The following SLC4A5 variants were observed in gnomAD, a reference collection of about 807,000 sequenced individuals.
SLC4A5 encodes the protein solute carrier family 4 member 5, also known as electrogenic sodium bicarbonate cotransporter 4.
A neutral mutation model predicts 120.4 loss-of-function variants in SLC4A5; 96 were observed. The observed-to-expected ratio is 0.80, with a 90% CI of 0.68 to 0.94. The LOEUF (loss-of-function observed/expected upper bound fraction) is 0.94, where lower values mean the gene tolerates loss of function less well. SLC4A5 is among the 40% of genes least tolerant of loss of function. The probability of loss-of-function intolerance (pLI) is 0.00; values close to 1 mark genes in which losing one functional copy is unlikely to be tolerated. For synonymous variants in SLC4A5, 550 were observed against 571.1 expected, an observed-to-expected ratio of 0.96 and a Z score of 0.53; for missense variants, 1,259 against 1,459.5, an observed-to-expected ratio of 0.86 and a Z score of 2.24.
chr2:74,304,931 C>T (rs1230383194), intron 6 of SLC4A5, among the ~76,000 whole-genome samples: 4 of 152,110 alleles, frequency 2.6e-5, no homozygotes, highest in African/African-American at 7.2e-5. Context: ...CTCCCATTCC[C>T]CCGTTCTTGC....
intron 30 of SLC4A5, 136 bp from the exon 31 acceptor site, chr2:74,218,928 T>C (rs949376934): frequency 6.6e-6 from 1 of 152,384 alleles, no homozygotes; most frequent in African/African-American, 2.4e-5. Flanking sequence ...CAGTTTCCTA[T>C]TGGCTTGGCC....
At chr2:74,328,058 ACATTTTCCCTTATCT>A (rs1673260551) in intron 5 of SLC4A5, 47 bp downstream of exon 5, 7 of 884,136 alleles carry the variant, frequency 7.9e-6, no homozygotes, top group Admixed American at 6.2e-5. Context: ...GCTATGAAAC[ACATTTTCCCTTATCT>A]GCATAGCTCT....
Position 74,255,987 on chromosome 2 carries a change from C to A in SLC4A5, c.868-55G>T. On this transcript the variant is annotated intron_variant, in intron 12 of 30. Transcript: ENST00000394019. This position sits in a 1 kb window ranked among gnomAD's most constrained non-coding sequence, Gnocchi z 4.0. ...AGGAGACTCCCACCTGCTCTCACTCCCTCACTCCCCTTCAGACTGCTTTGA... is the reference window on the plus strand; with the variant it reads ...AGGAGACTCCCACCTGCTCTCACTCACTCACTCCCCTTCAGACTGCTTTGA... 1 of 1,591,244 alleles carries A rather than the reference C, an allele frequency of 6.3e-7. No homozygotes were observed. The highest frequency in any genetic ancestry group is 1.1e-5 in the South Asian group (1 of 89,352).
chr2:74,267,974 G>A (rs933702396), intron 8 of SLC4A5, among the ~76,000 whole-genome samples: 1 of 152,038 alleles, frequency 6.6e-6, no homozygotes, highest in Non-Finnish European at 1.5e-5. Flanking sequence ...AACAGAGTGA[G>A]AGTCCGTCTA....
chr2:74,331,494 T>C (rs60733963), intron 4 of SLC4A5, among the ~76,000 whole-genome samples: 5,727 of 151,604 alleles, frequency 0.038, 376 homozygotes, highest in African/African-American at 0.13. Context: ...AAATAGAAGA[T>C]TGTTGTTGCT....
intron 21 of SLC4A5, among the ~76,000 whole-genome samples, chr2:74,237,126 A>G (rs996172451): frequency 9.2e-5 from 14 of 151,724 alleles, no homozygotes; most frequent in African/African-American, 3.1e-4. Context: ...ACAGGCGCCC[A>G]CCACAACGCC....
chr2:74,221,313 G>T lies in SLC4A5; in HGVS notation c.*33+121C>A, dbSNP rs1056909419. 1.1e-5 allele frequency: 7 copies of T among 658,284 alleles called. No individual in the cohort carries two copies. The South Asian group carries it at 1.3e-4, about 13-fold the overall frequency. The allele number at this position is 658,284 out of a possible 1,614,324, so 40.8% of individuals were successfully genotyped here. On this transcript the variant is annotated intron_variant, in intron 30 of 30. Transcript: ENST00000394019. Reference sequence around the variant, plus strand: ...TTGTCAGCCTTTGACTCCCAGTTGGGGGCCAGCAAGGGCCTTCTACTGAGA... The same window carrying T: ...TTGTCAGCCTTTGACTCCCAGTTGGTGGCCAGCAAGGGCCTTCTACTGAGA...
chr2:74,307,600 C>A, intron 6 of SLC4A5: 1 of 738,784 alleles, frequency 1.4e-6, no homozygotes, highest in Admixed American at 1.8e-5. Context: ...AAGATCTGAG[C>A]GCTCATGTCC....
intron 12 of SLC4A5, 82 bp downstream of exon 12, chr2:74,259,506 C>A: frequency 1.4e-6 from 2 of 1,448,788 alleles, no homozygotes; most frequent in South Asian, 2.3e-5. Context: ...GAACTCTGCC[C>A]ATAGGGGATC....
At chr2:74,312,263 G>A (rs1672830407) in intron 6 of SLC4A5, among the ~76,000 whole-genome samples, 1 of 151,090 alleles carries the variant, frequency 6.6e-6, no homozygotes, top group Non-Finnish European at 1.5e-5. Context: ...GTGTGTGTGT[G>A]TGTGTGTGTA....
chr2:74,308,748 T>C (rs1444116668), intron 6 of SLC4A5, among the ~76,000 whole-genome samples: 2 of 152,216 alleles, frequency 1.3e-5, no homozygotes, highest in African/African-American at 4.8e-5. Context: ...ATTTTTTTTT[T>C]TTCATCAATT....
At chr2:74,302,993 G>C (rs1186002930) in intron 7 of SLC4A5, among the ~76,000 whole-genome samples, 4 of 151,406 alleles carry the variant, frequency 2.6e-5, no homozygotes, top group Non-Finnish European at 5.9e-5. Context: ...CTTGGTCTCT[G>C]ATGTTCCCAC....
At chr2:74,222,198 C>A (rs1694674400) in intron 29 of SLC4A5, among the ~76,000 whole-genome samples, 1 of 152,122 alleles carries the variant, frequency 6.6e-6, no homozygotes, top group Admixed American at 6.6e-5. Flanking sequence ...TCAACAGCCA[C>A]TGGAAAACAT....
At chr2:74,227,255 G>T in intron 26 of SLC4A5, 125 bp from the exon 27 acceptor site, 1 of 1,137,712 alleles carries the variant, frequency 8.8e-7, no homozygotes, top group Non-Finnish European at 1.2e-6. Flanking sequence ...AGGCCTTAAG[G>T]ATGCACGGGA....
intron 5 of SLC4A5, among the ~76,000 whole-genome samples, chr2:74,323,371 A>C (rs1393484748): frequency 6.6e-6 from 1 of 152,240 alleles, no homozygotes; most frequent in Non-Finnish European, 1.5e-5. Context: ...AGACATGTAA[A>C]AAATCATTTT....
In SLC4A5 at chr2:74,333,665, G is replaced by A. The variant is rs1353080746; in HGVS notation, c.-70+362C>T. ...TCTTCAGATTATGATATCTACGGGT[G>A]GTCCTGGCACCAATCCCTTGCAGAT... On this transcript the variant is annotated intron_variant, in intron 4 of 30. Coordinates refer to ENST00000394019, the Ensembl canonical transcript of SLC4A5. Among the ~76,000 whole-genome samples the A allele has an allele frequency of 2.0e-5, 3 of 152,138 alleles. No individual in the cohort carries two copies. The East Asian group carries it at 5.8e-4, about 29-fold the overall frequency.
At chr2:74,262,211 G>A in exon 11 of SLC4A5, 2 of 1,563,560 alleles carry the variant, frequency 1.3e-6, no homozygotes, top group Non-Finnish European at 1.7e-6. Context: ...GCCAGCACCA[G>A]GGCTCCGGGC....
intron 18 of SLC4A5, 97 bp downstream of exon 18, chr2:74,248,256 A>G: frequency 6.7e-7 from 1 of 1,492,642 alleles, no homozygotes; most frequent in Admixed American, 2.1e-5. Context: ...GCACCACCGC[A>G]CCACCACCTA....
chr2:74,285,709 G>T (rs950034293), intron 8 of SLC4A5, 64 bp downstream of exon 8: 159 of 1,580,934 alleles, frequency 1.0e-4, no homozygotes, highest in Non-Finnish European at 1.3e-4. Context: ...CCACCAGGAG[G>T]GTCAGGCAAG....
Sources: allele counts gnomAD v4.1 joint callset (sites outside exome capture counted in the v4.1 genomes callset), GRCh38; gene constraint gnomAD v4.1.1; non-coding constraint Gnocchi (gnomAD v3.1); transcripts MANE v1.5; gene names NCBI Gene and HGNC (gene_info 2026-07-23, HGNC 2026-07-21).